PRXL2A: variants seen among roughly 807,000 people sequenced by gnomAD.
PRXL2A encodes the protein peroxiredoxin like 2A, also known as peroxiredoxin-like 2A.
Under a neutral mutation model 25.6 loss-of-function variants are expected in PRXL2A, and 26 were observed. The ratio of observed to expected loss-of-function variants is 1.02; its 90% CI spans 0.74 to 1.41. The LOEUF (loss-of-function observed/expected upper bound fraction) is 1.41. Among genes scored for constraint, PRXL2A ranks in the 40% most tolerant of loss-of-function variants. The pLI is 0.00. For missense variants in PRXL2A, 246 were observed against 273.9 expected (o/e 0.90, Z 0.72); for synonymous variants, 98 against 102.9 (o/e 0.95, Z 0.29).
chr10:80,434,616 A>T lies in PRXL2A; in HGVS notation c.*2517A>T, dbSNP rs1471591228. On this transcript the variant is annotated 3_prime_UTR_variant, in exon 6 of 6. Coordinates refer to ENST00000606162, the MANE Select transcript of PRXL2A (RefSeq NM_032333.5). Reference sequence around the variant, plus strand: ...TCTGTGCAGAGGTGATGGAATTTTAAAGAGGGGAGGGAGGAGGTTCAAATA... The same window carrying T: ...TCTGTGCAGAGGTGATGGAATTTTATAGAGGGGAGGGAGGAGGTTCAAATA... 6.6e-6 allele frequency: 1 copy of T among 152,178 alleles called. No homozygotes were observed. The highest frequency in any genetic ancestry group is 1.5e-5 in the Non-Finnish European group (1 of 68,042). The allele number at this position is 152,178 out of a possible 1,614,324, so 9.4% of individuals were successfully genotyped here. A position where few individuals can be genotyped will look rare whatever the true frequency, so the allele number is the denominator to read the frequency against.
chr10:80,422,643 G>GT (rs1844911184), intron 3 of PRXL2A, 135 bp downstream of exon 3: 1 of 462,504 alleles, frequency 2.2e-6, no homozygotes, highest in Non-Finnish European at 3.4e-6. Context: ...TTTGCTCTAG[G>GT]TATTTCTTTG....
rs1845323844 is a variant in PRXL2A at position 80,433,139 on chromosome 10, T to A, written c.*1040T>A. ...CTCTGGTTCTAGCTATCTAAGTGGT[T>A]TGAAAATGACCAGGAAAAATTCATC... On this transcript the variant is annotated 3_prime_UTR_variant, in exon 6 of 6. Transcript: ENST00000606162. The A allele has an allele frequency of 6.6e-6, 1 of 152,248 alleles. No homozygotes were observed. The highest frequency in any genetic ancestry group is 1.9e-4 in the East Asian group (1 of 5,198). 9.4% of individuals were successfully genotyped at this position (152,248 alleles called of 1,614,324 possible).
intron 1 of PRXL2A, among the ~76,000 whole-genome samples, chr10:80,416,645 C>T (rs1197922889): frequency 1.3e-5 from 2 of 152,102 alleles, no homozygotes; most frequent in African/African-American, 2.4e-5. Context: ...AGGGTCTTGG[C>T]GGGGGGCCCA....
intron 1 of PRXL2A, among the ~76,000 whole-genome samples, chr10:80,410,891 A>G (rs1009381362): frequency 6.6e-6 from 1 of 152,218 alleles, no homozygotes; most frequent in Non-Finnish European, 1.5e-5. Flanking sequence ...AGGAAACAAG[A>G]GGACATAATC....
At chr10:80,415,564 C>T (rs1267245553) in intron 1 of PRXL2A, among the ~76,000 whole-genome samples, 2 of 152,214 alleles carry the variant, frequency 1.3e-5, no homozygotes, top group Non-Finnish European at 2.9e-5. Context: ...GGCTGTTATT[C>T]CTGCACCACC....
At chr10:80,419,796 C>T (rs1844798384) in intron 1 of PRXL2A, among the ~76,000 whole-genome samples, 1 of 152,162 alleles carries the variant, frequency 6.6e-6, no homozygotes, top group African/African-American at 2.4e-5. Context: ...TTGTTTTTTA[C>T]TATAAGCATA....
At chr10:80,411,561 G>A (rs971558553) in intron 1 of PRXL2A, among the ~76,000 whole-genome samples, 5 of 152,234 alleles carry the variant, frequency 3.3e-5, no homozygotes, top group Non-Finnish European at 5.9e-5. Context: ...CCAAACCTGA[G>A]TCCCAGTGCA....
At chr10:80,416,365 G>A (rs1480027663) in intron 1 of PRXL2A, among the ~76,000 whole-genome samples, 1 of 152,198 alleles carries the variant, frequency 6.6e-6, no homozygotes, top group Non-Finnish European at 1.5e-5. Context: ...GAGATAAACT[G>A]CAGAATGTCA....
Position 80,420,570 on chromosome 10 carries a change from G to C in PRXL2A, c.103G>C (p.Asp35His), listed in dbSNP as rs780109508. The stretch of plus-strand genomic sequence containing the variant: ...CTTGGCATTGCTGCTTGCCAACACA[G>C]ACGTGTTTCTGTCCAAGCCCCAGAA... Reference protein sequence around the residue: ...AALALLLANTDVFLSKPQKAA... With the variant: ...AALALLLANTHVFLSKPQKAA... The change falls in exon 2 of 6, where the codon GAC (aspartate) becomes CAC (histidine). Residue 35 changes from aspartate (D) to histidine (H), a missense_variant. Coordinates refer to ENST00000606162, the MANE Select transcript of PRXL2A (RefSeq NM_032333.5). The C allele has an allele frequency of 6.2e-7, 1 of 1,614,072 alleles. No individual in the cohort carries two copies. Among genetic ancestry groups the C allele is most frequent in the South Asian group, 1.1e-5 (1 of 91,022 alleles).
intron 3 of PRXL2A, among the ~76,000 whole-genome samples, chr10:80,425,026 T>C (rs1362418047): frequency 6.6e-6 from 1 of 152,202 alleles, no homozygotes; most frequent in Non-Finnish European, 1.5e-5. Flanking sequence ...TTTTTCTTAC[T>C]CTAGAAAATA....
intron 3 of PRXL2A, among the ~76,000 whole-genome samples, chr10:80,425,323 AGCCATGTTCTAG>A (rs1224919793): frequency 6.6e-6 from 1 of 152,212 alleles, no homozygotes; most frequent in Non-Finnish European, 1.5e-5. Flanking sequence ...TTTTATACCC[AGCCATGTTCTAG>A]GCACTGAGGG....
chr10:80,430,188 C>A (rs532448757), intron 5 of PRXL2A, among the ~76,000 whole-genome samples: 1 of 150,310 alleles, frequency 6.7e-6, no homozygotes, highest in African/African-American at 2.5e-5. Flanking sequence ...GCAACCTCCA[C>A]CCCCCCGGGT....
chr10:80,426,066 TAGTC>T (rs1181849202), intron 4 of PRXL2A, 60 bp downstream of exon 4: 15 of 1,602,530 alleles, frequency 9.4e-6, no homozygotes, highest in Non-Finnish European at 1.2e-5. Flanking sequence ...AGCTGTGTGA[TAGTC>T]AGGTGGCCCA....
intron 1 of PRXL2A, among the ~76,000 whole-genome samples, chr10:80,417,784 T>C (rs1844717051): frequency 6.6e-6 from 1 of 151,420 alleles, no homozygotes; most frequent in Non-Finnish European, 1.5e-5. Context: ...AGACAAGGTC[T>C]TGCTCTGTCA....
Position 80,432,057 on chromosome 10 carries a change from T to A in PRXL2A, c.648T>A (p.Ala216=), listed in dbSNP as rs370476442. 6 of 1,610,692 alleles carry A rather than the reference T, an allele frequency of 3.7e-6. No individual in the cohort carries two copies. The African/African-American group carries it at 8.1e-5, about 22-fold the overall frequency. ...KVNLLSVLEA[A]KMIKPQTLAS... ...ACCTACTTTCTGTTCTGGAAGCTGC[T>A]AAGATGATCAAACCACAGACTTTGG... Residue 216 remains alanine (A), a synonymous_variant, in exon 6 of 6, where the codon GCT becomes GCA. Coordinates refer to ENST00000606162, the MANE Select transcript of PRXL2A (RefSeq NM_032333.5).
chr10:80,417,213 A>G (rs1844691484), intron 1 of PRXL2A, among the ~76,000 whole-genome samples: 1 of 152,274 alleles, frequency 6.6e-6, no homozygotes, highest in South Asian at 2.1e-4. Flanking sequence ...CAACGGTACC[A>G]GGTGCAAGGC....
chr10:80,408,933 C>T, intron 1 of PRXL2A: 1 of 618,432 alleles, frequency 1.6e-6, no homozygotes, highest in Non-Finnish European at 2.0e-6. Flanking sequence ...CGGGCTAGGG[C>T]CCCCTCTGTC....
At chr10:80,429,809 C>T (rs1845186953) in intron 5 of PRXL2A, among the ~76,000 whole-genome samples, 1 of 152,196 alleles carries the variant, frequency 6.6e-6, no homozygotes, top group Non-Finnish European at 1.5e-5. Flanking sequence ...CGTGGGGTTC[C>T]TTCCCCTACC....
rs1268656448 is a variant in PRXL2A at position 80,435,868 on chromosome 10, C to T, written c.*3769C>T. 1.3e-5 allele frequency: 2 copies of T among 152,162 alleles called. No homozygotes were observed. Among genetic ancestry groups the T allele is most frequent in the East Asian group, 3.8e-4 (2 of 5,198 alleles). 9.4% of individuals were successfully genotyped at this position (152,162 alleles called of 1,614,324 possible). On this transcript the variant is annotated 3_prime_UTR_variant, in exon 6 of 6. Coordinates refer to ENST00000606162, the MANE Select transcript of PRXL2A (RefSeq NM_032333.5). ...GATTAAAGTCATTAATCTCTGTGGG[C>T]TTTGGACTTGAAGTTTCAGCAGCCT...
Sources: gnomAD v4.1 joint callset for allele counts (sites outside exome capture counted in the v4.1 genomes callset) on GRCh38, gnomAD v4.1.1 for gene constraint, MANE v1.5 for transcripts, NCBI Gene and HGNC (gene_info 2026-07-23, HGNC 2026-07-21) for gene names.